Variants in PPP1R10 observed in about 807,000 individuals in gnomAD.
The protein encoded by PPP1R10 is protein phosphatase 1 regulatory subunit 10.
In PPP1R10, 15 loss-of-function variants were observed where a neutral mutation model predicts 99.0. The observed-to-expected ratio is 0.15, with a 90% CI of 0.10 to 0.23. PPP1R10 has a LOEUF of 0.23. PPP1R10 is among the 10% of genes least tolerant of loss of function. The probability of loss-of-function intolerance (pLI) is 1.00; values close to 1 mark genes in which losing one functional copy is unlikely to be tolerated. For synonymous variants in PPP1R10, 430 were observed against 449.5 expected (o/e 0.96, Z 0.55); for missense variants, 947 against 1,259.4 (o/e 0.75, Z 3.75).
chr6:30,602,745 C>A lies in PPP1R10; in HGVS notation c.1958-54G>T. 2 of 1,575,818 alleles carry A rather than the reference C, an allele frequency of 1.3e-6. No homozygotes were observed. Among genetic ancestry groups the A allele is most frequent in the East Asian group, 4.6e-5 (2 of 43,776 alleles). On this transcript the variant is annotated intron_variant, in intron 18 of 19. Transcript: ENST00000376511. The surrounding 1 kb of genome is among the most constrained non-coding windows in gnomAD (Gnocchi z 6.7). ...ATCAGCTACCAGGAACTGCCATCTC[C>A]CAACCTAAACCACCACCTCCCACCT...
chr6:30,616,951 TTC>T lies in PPP1R10; in HGVS notation c.-487_-486del, dbSNP rs1209380739. The T allele has an allele frequency of 6.6e-6, 1 of 152,346 alleles. No individual in the cohort carries two copies. Among genetic ancestry groups the T allele is most frequent in the Non-Finnish European group, 1.5e-5 (1 of 68,136 alleles). 9.4% of individuals were successfully genotyped at this position (152,346 alleles called of 1,614,324 possible). A position where few individuals can be genotyped will look rare whatever the true frequency, so the allele number is the denominator to read the frequency against. ...GGGCTTAGATGTTGCTGCGGCTTGT[TTC>T]TGTTTTCCTCGTGGCCGGCCTGTCT... is the stretch of plus-strand genomic sequence containing the variant. On this transcript the variant is annotated 5_prime_UTR_variant, in exon 2 of 20. Transcript: ENST00000376511.
At position 30,602,993 on chromosome 6, in the gene PPP1R10, C is replaced by T. The variant is rs200565442; in HGVS notation, c.1844-34G>A. 171 of 1,501,732 alleles carry T rather than the reference C, an allele frequency of 1.1e-4. 1 individual carries two copies. The East Asian group carries it at 3.9e-3, about 34-fold the overall frequency. The allele number at this position is 1,501,732 out of a possible 1,614,324, so 93.0% of individuals were successfully genotyped here. ...GAAAACAAGAGTAACACAGCATGAGCACTCTAGAAGACTAGCATGATCTCC... is the reference window on the plus strand; with the variant it reads ...GAAAACAAGAGTAACACAGCATGAGTACTCTAGAAGACTAGCATGATCTCC... On this transcript the variant is annotated intron_variant, in intron 17 of 19. Coordinates refer to ENST00000376511, the MANE Select transcript of PPP1R10 (RefSeq NM_002714.4). The surrounding 1 kb of genome is among the most constrained non-coding windows in gnomAD (Gnocchi z 6.7).
In PPP1R10 at chr6:30,603,459, G is replaced by A; in HGVS notation, c.1767+13C>T. The A allele has an allele frequency of 6.2e-7, 1 of 1,602,390 alleles. No individual in the cohort carries two copies. The highest frequency in any genetic ancestry group is 8.5e-7 in the Non-Finnish European group (1 of 1,172,696). On this transcript the variant is annotated intron_variant, in intron 16 of 19. Coordinates refer to ENST00000376511, the MANE Select transcript of PPP1R10 (RefSeq NM_002714.4). ...CTCCACAGAAGGTGGAAAAGGGGAA[G>A]GAGGGTGCGTACCATGATGGAGGTG...
chr6:30,616,388 T>C (rs1414834082), intron 2 of PPP1R10, 90 bp downstream of exon 2: 1 of 152,594 alleles, frequency 6.6e-6, no homozygotes, highest in East Asian at 1.9e-4. Flanking sequence ...TGTTCTATGG[T>C]CTCATTTCTT....
In PPP1R10 at chr6:30,600,816, G is replaced by C. The variant is rs1252316271; in HGVS notation, c.*733C>G. 4 of 152,608 alleles carry C rather than the reference G, an allele frequency of 2.6e-5. No individual in the cohort carries two copies. Among genetic ancestry groups the C allele is most frequent in the Admixed American group, 2.0e-4 (3 of 15,284 alleles). The allele number at this position is 152,608 out of a possible 1,614,324, so 9.5% of individuals were successfully genotyped here. ...AAGTATTTTATCAAGTCTCCAGACT[G>C]GCTATAGTTGGCAAAGGCAGACCAG... On this transcript the variant is annotated 3_prime_UTR_variant, in exon 20 of 20. Transcript: ENST00000376511.
intron 2 of PPP1R10, among the ~76,000 whole-genome samples, chr6:30,616,056 A>T (rs1008324598): frequency 1.3e-5 from 2 of 152,174 alleles, no homozygotes; most frequent in African/African-American, 2.4e-5. Flanking sequence ...ACACACAAAG[A>T]AGTGGTACTT....
rs367769560 is a variant in PPP1R10, at chr6:30,603,884, T to G, written c.1509-41A>C. The G allele has an allele frequency of 5.9e-6, 9 of 1,522,478 alleles. No individual in the cohort carries two copies. The African/African-American group carries it at 8.4e-5, about 14-fold the overall frequency. 94.3% of individuals were successfully genotyped at this position (1,522,478 alleles called of 1,614,324 possible). On this transcript the variant is annotated intron_variant, in intron 14 of 19. Coordinates refer to ENST00000376511, the MANE Select transcript of PPP1R10 (RefSeq NM_002714.4). ...CAGGTGAGAGAAAAAAGAATGATAG[T>G]CAAGTTATTAATTCAGACCCTGAAA...
chr6:30,600,525 A>C lies in PPP1R10; in HGVS notation c.*1024T>G, dbSNP rs1803199160. ...CCAAGACCCTGCACAAAACCCAACCAATCCACTGTTTTCATAGAAAACAAC... is the reference window on the plus strand; with the variant it reads ...CCAAGACCCTGCACAAAACCCAACCCATCCACTGTTTTCATAGAAAACAAC... On this transcript the variant is annotated 3_prime_UTR_variant, in exon 20 of 20. Transcript: ENST00000376511. 1 of 152,646 alleles carries C rather than the reference A, an allele frequency of 6.6e-6. No homozygotes were observed. Among genetic ancestry groups the C allele is most frequent in the African/African-American group, 2.4e-5 (1 of 41,452 alleles). The allele number at this position is 152,646 out of a possible 1,614,324, so 9.5% of individuals were successfully genotyped here.
Position 30,604,159 on chromosome 6 carries a change from C to T in PPP1R10, c.1357G>A (p.Asp453Asn). The T allele has an allele frequency of 6.2e-7, 1 of 1,614,172 alleles. No homozygotes were observed. The highest frequency in any genetic ancestry group is 8.5e-7 in the Non-Finnish European group (1 of 1,180,034). Reference protein sequence around the residue: ...AFETARRLSHDNMEEKVPWVC... With the variant: ...AFETARRLSHNNMEEKVPWVC... ...CAGGGCACCTTCTCCTCCATGTTAT[C>T]ATGGCTCAGACGCCGCGCTGTCTCA... Residue 453 changes from aspartate to asparagine, a missense_variant, in exon 14 of 20, where the codon GAT becomes AAT. Transcript: ENST00000376511. This position sits in a 1 kb window ranked among gnomAD's most constrained non-coding sequence, Gnocchi z 7.3.
rs371834873 is a variant in PPP1R10, at chr6:30,603,526, G to A, written c.1713C>T (p.Pro571=). Residue 571 remains proline (P), a synonymous_variant, in exon 16 of 20, where the codon CCC becomes CCT. Transcript: ENST00000376511. ...TAATGCCTCCTCCTCCAGGGCCTTG[G>A]GGGCCCTTTCCAGCACCCATGCTTC... ...LMGSMGAGKG[P]QGPGGGGINV... is the part of the protein sequence containing the mutation. 2 of 1,613,790 alleles carry A rather than the reference G, an allele frequency of 1.2e-6. No individual in the cohort carries two copies. Among genetic ancestry groups the A allele is most frequent in the African/African-American group, 1.3e-5 (1 of 74,868 alleles).
rs1470929673 is a variant in PPP1R10 at position 30,601,783 on chromosome 6, G to A, written c.2714-125C>T. ...GACAATCTTGGGGATTTGGGGGAAG[G>A]GCATAGAGTAGGAACTGCTATGCAT... On this transcript the variant is annotated intron_variant, in intron 19 of 19. Coordinates refer to ENST00000376511, the MANE Select transcript of PPP1R10 (RefSeq NM_002714.4). 1.4e-5 allele frequency: 18 copies of A among 1,306,460 alleles called. No homozygotes were observed. In the East Asian group the frequency reaches 3.8e-4, roughly 27 times the overall value. The allele number at this position is 1,306,460 out of a possible 1,614,324, so 80.9% of individuals were successfully genotyped here. A position where few individuals can be genotyped will look rare whatever the true frequency, so the allele number is the denominator to read the frequency against.
Position 30,602,481 on chromosome 6 carries a change from C to T in PPP1R10, c.2168G>A (p.Arg723Gln), listed in dbSNP as rs747146357. Residue 723 changes from arginine (R) to glutamine (Q), a missense_variant, in exon 19 of 20, where the codon CGA becomes CAA. Arg to Gln is a conservative substitution (Grantham distance 43, BLOSUM62 1). This residue lies in a region of PPP1R10 where 525 missense variants were observed against 578.8 expected (regional missense o/e 0.91). Coordinates refer to ENST00000376511, the MANE Select transcript of PPP1R10 (RefSeq NM_002714.4). This position sits in a 1 kb window ranked among gnomAD's most constrained non-coding sequence, Gnocchi z 6.7. Reference protein sequence around the residue: ...NEPPPPPPPFRGARGGRSGGG... With the variant: ...NEPPPPPPPFQGARGGRSGGG... Reference sequence around the variant, plus strand: ...TCCAGAGCGACCTCCTCTGGCGCCTCGGAATGGAGGAGGAGGAGGAGGAGG... The same window carrying T: ...TCCAGAGCGACCTCCTCTGGCGCCTTGGAATGGAGGAGGAGGAGGAGGAGG... 5.7e-6 allele frequency: 9 copies of T among 1,585,436 alleles called. 1 individual carries two copies. The highest frequency in any genetic ancestry group is 5.4e-5 in the African/African-American group (4 of 74,000).
intron 2 of PPP1R10, among the ~76,000 whole-genome samples, chr6:30,612,243 A>T (rs868184523): frequency 2.6e-5 from 4 of 152,250 alleles, no homozygotes; most frequent in Non-Finnish European, 5.9e-5. Flanking sequence ...AGAGTTGAAT[A>T]TATATAACCC....
In PPP1R10 at chr6:30,608,765, A is replaced by C. The variant is rs377030100; in HGVS notation, c.330+14T>G. 9 of 1,611,994 alleles carry C rather than the reference A, an allele frequency of 5.6e-6. No individual in the cohort carries two copies. In the African/African-American group the frequency reaches 1.2e-4, roughly 22 times the overall value. ...CCAAAAAAGGAAGAATCAGGGTTTA[A>C]AGACTAAAGGTACCTGCTTGAGATG... On this transcript the variant is annotated intron_variant, in intron 5 of 19. Transcript: ENST00000376511.
intron 5 of PPP1R10, among the ~76,000 whole-genome samples, chr6:30,608,301 CTTTTTTT>C (rs1190279084): frequency 8.9e-6 from 1 of 111,740 alleles, no homozygotes; most frequent in Non-Finnish European, 1.9e-5. Context: ...TGACACATTC[CTTTTTTT>C]TTTTTTTTTT....
rs1474996404 is a variant in PPP1R10, at chr6:30,609,584, G to A, written c.107+254C>T. 6.6e-6 allele frequency among the ~76,000 whole-genome samples: 1 copy of A among 152,150 alleles called. No individual in the cohort carries two copies. The highest frequency in any genetic ancestry group is 1.5e-5 in the Non-Finnish European group (1 of 68,032). ...AAACAATCTAGAATTCTGTTACCAGGCTACCCTGCTCTCATTCCAAAGCAT... is the reference window on the plus strand; with the variant it reads ...AAACAATCTAGAATTCTGTTACCAGACTACCCTGCTCTCATTCCAAAGCAT... On this transcript the variant is annotated intron_variant, in intron 3 of 19. Coordinates refer to ENST00000376511, the MANE Select transcript of PPP1R10 (RefSeq NM_002714.4). This position sits in a 1 kb window ranked among gnomAD's most constrained non-coding sequence, Gnocchi z 4.5.
chr6:30,607,738 A>G, intron 6 of PPP1R10, 102 bp downstream of exon 6: 1 of 1,302,622 alleles, frequency 7.7e-7, no homozygotes. Flanking sequence ...TGAGGTAGAA[A>G]GAGAAAAGTG....
At position 30,601,121 on chromosome 6, in the gene PPP1R10, C is replaced by T. The variant is rs1264424; in HGVS notation, c.*428G>A. 6.9e-3 allele frequency: 1,244 copies of T among 180,174 alleles called. 11 individuals carry two copies. The highest frequency in any genetic ancestry group is 9.8e-3 in the Admixed American group (180 of 18,456). 11.2% of individuals were successfully genotyped at this position (180,174 alleles called of 1,614,324 possible). ...ACCCCATGAGGAATAATGAACTTAG[C>T]TGGGATGATTTCTTAAGTGCAGCTG... On this transcript the variant is annotated 3_prime_UTR_variant, in exon 20 of 20. Transcript: ENST00000376511.
Position 30,608,548 on chromosome 6 carries a change from G to A in PPP1R10, c.330+231C>T, listed in dbSNP as rs183079230. Among the ~76,000 whole-genome samples the A allele has an allele frequency of 5.0e-4, 76 of 152,144 alleles. No homozygotes were observed. The South Asian group carries it at 9.3e-3, about 19-fold the overall frequency. On this transcript the variant is annotated intron_variant, in intron 5 of 19. Transcript: ENST00000376511. ...AGTCTCCTGACCTCATGATCCGCCC[G>A]CCTCAGCCTCTCAAAGTGCTGGGAT...
Sources: gnomAD v4.1 joint callset for allele counts (sites outside exome capture counted in the v4.1 genomes callset) on GRCh38, gnomAD v4.1.1 for gene constraint, gnomAD v4.1.1 regional missense constraint, Gnocchi (gnomAD v3.1) non-coding constraint, MANE v1.5 for transcripts, NCBI Gene and HGNC (gene_info 2026-07-23, HGNC 2026-07-21) for gene names.